Variants in EIPR1 observed in about 807,000 individuals in gnomAD.
EIPR1 encodes EARP complex and GARP complex interacting protein 1.
Under a neutral mutation model 48.1 loss-of-function variants are expected in EIPR1, and 25 were observed. The observed-to-expected ratio is 0.52, with a 90% CI of 0.38 to 0.73. The LOEUF (loss-of-function observed/expected upper bound fraction) is 0.73, where lower values mean the gene tolerates loss of function less well. Ranked by LOEUF, EIPR1 falls within the 30% of genes least tolerant of loss-of-function variation. The pLI, the probability that EIPR1 is intolerant of heterozygous loss-of-function variation, is 0.00. For synonymous variants in EIPR1, 204 were observed against 201.9 expected (o/e 1.01, Z -0.09); for missense variants, 415 against 506.2 (o/e 0.82, Z 1.73).
At chr2:3,220,659 C>T (rs1665852704) in intron 4 of EIPR1, among the ~76,000 whole-genome samples, 1 of 151,938 alleles carries the variant, frequency 6.6e-6, no homozygotes, top group Non-Finnish European at 1.5e-5. Flanking sequence ...CCATGGTACA[C>T]TCTAGAGCAT....
chr2:3,285,865 G>A lies in EIPR1; in HGVS notation c.260-28410C>T, dbSNP rs573769013. On this transcript the variant is annotated intron_variant, in intron 3 of 8. Coordinates refer to ENST00000382125, the MANE Select transcript of EIPR1 (RefSeq NM_003310.5). ...GTCACCGACTGTCTCCGGGACCCTC[G>A]CACGGAGCAGAAGTCACCAACTGTC... Among the ~76,000 whole-genome samples, 5 of 117,118 alleles carry A rather than the reference G, an allele frequency of 4.3e-5. 1 individual carries two copies. The South Asian group carries it at 9.3e-4, about 22-fold the overall frequency. 76.8% of individuals were successfully genotyped at this position (117,118 alleles called of 152,430 possible).
chr2:3,246,915 G>A (rs1185985638), intron 4 of EIPR1, among the ~76,000 whole-genome samples: 6 of 93,688 alleles, frequency 6.4e-5, no homozygotes, highest in Non-Finnish European at 1.3e-4. Context: ...GAGAGAGGGA[G>A]GGAGAGAGGG....
intron 3 of EIPR1, among the ~76,000 whole-genome samples, chr2:3,266,204 C>T (rs2103234048): frequency 6.6e-6 from 1 of 152,230 alleles, no homozygotes; most frequent in East Asian, 1.9e-4. Context: ...GAACAATGCC[C>T]TGCCTGGGGG....
rs1282538297 is a variant in EIPR1, at chr2:3,362,405, C to T, written c.43-7772G>A. ...CCATCCCCACCCTCCTCTCCCCATT[C>T]GGTGCTTAAATTACATTTTAACAAC... On this transcript the variant is annotated intron_variant, in intron 1 of 8. Coordinates refer to ENST00000382125, the MANE Select transcript of EIPR1 (RefSeq NM_003310.5). 4.6e-5 allele frequency among the ~76,000 whole-genome samples: 7 copies of T among 151,162 alleles called. No individual in the cohort carries two copies. The South Asian group carries it at 8.6e-4, about 19-fold the overall frequency.
intron 4 of EIPR1, among the ~76,000 whole-genome samples, chr2:3,241,938 T>C (rs1298076128): frequency 6.6e-6 from 1 of 152,182 alleles, no homozygotes; most frequent in Non-Finnish European, 1.5e-5. Context: ...GGGGTGGGGA[T>C]AACTCTAGGG....
At position 3,189,066 on chromosome 2, in the gene EIPR1, A is replaced by T. The variant is rs565338866; in HGVS notation, c.*268T>A. On this transcript the variant is annotated 3_prime_UTR_variant, in exon 9 of 9. Transcript: ENST00000382125. This position sits in a 1 kb window ranked among gnomAD's most constrained non-coding sequence, Gnocchi z 4.6. ...ATTTTTTTAAAAAGCGAAACTCCTGACACCCTTAAAACAGAAAACATTGTT... is the reference window on the plus strand; with the variant it reads ...ATTTTTTTAAAAAGCGAAACTCCTGTCACCCTTAAAACAGAAAACATTGTT... 22 of 335,700 alleles carry T rather than the reference A, an allele frequency of 6.6e-5. No homozygotes were observed. The South Asian group carries it at 3.1e-3, about 47-fold the overall frequency. The allele number at this position is 335,700 out of a possible 1,614,324, so 20.8% of individuals were successfully genotyped here. A position where few individuals can be genotyped will look rare whatever the true frequency, so the allele number is the denominator to read the frequency against.
chr2:3,213,493 T>C (rs2103132575), intron 5 of EIPR1, among the ~76,000 whole-genome samples: 1 of 152,350 alleles, frequency 6.6e-6, no homozygotes, highest in Admixed American at 6.5e-5. Flanking sequence ...TAGGCACCAC[T>C]ATGAAATTAA....
At chr2:3,221,942 T>C (rs566954206) in intron 4 of EIPR1, among the ~76,000 whole-genome samples, 33 of 152,188 alleles carry the variant, frequency 2.2e-4, no homozygotes, top group African/African-American at 8.0e-4. Flanking sequence ...AAGGAGCTGA[T>C]GGTCATAATC....
intron 4 of EIPR1, among the ~76,000 whole-genome samples, chr2:3,247,029 G>A (rs868378136): frequency 7.8e-5 from 1 of 12,792 alleles, no homozygotes; most frequent in Non-Finnish European, 1.3e-4. Flanking sequence ...GGGAGAGAGC[G>A]AGGGAGGGAG....
At chr2:3,368,387 T>C (rs62119533) in intron 1 of EIPR1, among the ~76,000 whole-genome samples, 61 of 152,192 alleles carry the variant, frequency 4.0e-4, no homozygotes, top group Non-Finnish European at 7.3e-4. Flanking sequence ...GACCGTCCTT[T>C]CTGGTCTGGC....
intron 5 of EIPR1, among the ~76,000 whole-genome samples, chr2:3,199,216 C>G (rs543750811): frequency 1.3e-5 from 2 of 152,120 alleles, no homozygotes; most frequent in Admixed American, 1.3e-4. Flanking sequence ...CCAGACTTTA[C>G]GATTGTCCCT....
chr2:3,218,758 C>A (rs1208770527), intron 4 of EIPR1, among the ~76,000 whole-genome samples: 1 of 150,720 alleles, frequency 6.6e-6, no homozygotes, highest in Non-Finnish European at 1.5e-5. Context: ...TCAACACGAC[C>A]CTGATACACT....
intron 2 of EIPR1, among the ~76,000 whole-genome samples, chr2:3,345,285 A>T (rs1670365362): frequency 6.7e-6 from 1 of 149,294 alleles, no homozygotes; most frequent in Admixed American, 6.7e-5. Flanking sequence ...AGAACTCTAT[A>T]AAAAAAAAAT....
At chr2:3,309,553 G>C (rs536759207) in intron 3 of EIPR1, among the ~76,000 whole-genome samples, 1 of 152,202 alleles carries the variant, frequency 6.6e-6, no homozygotes, top group South Asian at 2.1e-4. Context: ...TTGGCAGAGG[G>C]AATAAACACA....
chr2:3,334,275 A>T (rs1669980730), intron 3 of EIPR1, among the ~76,000 whole-genome samples: 1 of 152,264 alleles, frequency 6.6e-6, no homozygotes, highest in South Asian at 2.1e-4. Context: ...GAGATTTGTT[A>T]TAACGAAGTG....
chr2:3,242,599 CAG>C (rs1366976047), intron 4 of EIPR1, among the ~76,000 whole-genome samples: 4 of 152,310 alleles, frequency 2.6e-5, no homozygotes, highest in African/African-American at 9.6e-5. Context: ...GGCTGGAAGA[CAG>C]AGATTTCAGA....
intron 4 of EIPR1, among the ~76,000 whole-genome samples, chr2:3,245,966 C>T (rs1457683046): frequency 6.6e-6 from 1 of 152,144 alleles, no homozygotes; most frequent in African/African-American, 2.4e-5. Flanking sequence ...TGGTACATGC[C>T]TATGGTCCCA....
chr2:3,205,676 T>C (rs968729658), intron 5 of EIPR1, among the ~76,000 whole-genome samples: 2 of 152,246 alleles, frequency 1.3e-5, no homozygotes, highest in Non-Finnish European at 1.5e-5. Context: ...GAAACTTCCC[T>C]TCCCTATCTC....
At chr2:3,307,556 G>A (rs573198512) in intron 3 of EIPR1, among the ~76,000 whole-genome samples, 19 of 152,322 alleles carry the variant, frequency 1.2e-4, no homozygotes, top group Admixed American at 2.6e-4. Context: ...CAAGAGCCCC[G>A]CCCTGCCCAC....
Sources: gnomAD v4.1 joint callset for allele counts (sites outside exome capture counted in the v4.1 genomes callset) on GRCh38, gnomAD v4.1.1 for gene constraint, Gnocchi (gnomAD v3.1) non-coding constraint, MANE v1.5 for transcripts, NCBI Gene and HGNC (gene_info 2026-07-23, HGNC 2026-07-21) for gene names.